Variants in BACH1 observed in about 807,000 individuals in gnomAD.
BACH1 encodes BTB domain and CNC homolog 1.
A neutral mutation model predicts 52.9 loss-of-function variants in BACH1; 35 were observed. That is an observed-to-expected ratio of 0.66 (90% CI 0.51 to 0.88). The LOEUF (loss-of-function observed/expected upper bound fraction) is 0.88, where lower values mean the gene tolerates loss of function less well. Among genes scored for constraint, BACH1 ranks in the 40% least tolerant of loss-of-function variants. BACH1 has a pLI of 0.00. For missense variants in BACH1, 808 were observed against 872.6 expected (o/e 0.93, Z 0.93); for synonymous variants, 321 against 319.6 (o/e 1.00, Z -0.05).
Position 29,309,784 on chromosome 21 carries a change from C to T in BACH1, c.-61+10831C>T, listed in dbSNP as rs1217914763. 2.0e-5 allele frequency among the ~76,000 whole-genome samples: 3 copies of T among 152,328 alleles called. No individual in the cohort carries two copies. The South Asian group carries it at 6.2e-4, about 32-fold the overall frequency. On this transcript the variant is annotated intron_variant, in intron 1 of 4. Transcript: ENST00000286800. ...AGTAGAGCGTTAATCTGATTATCCA[C>T]AGCTGCTGGTAGCCTTAAAATAACC...
At chr21:29,328,868 A>G (rs1282372700) in intron 3 of BACH1, among the ~76,000 whole-genome samples, 1 of 152,256 alleles carries the variant, frequency 6.6e-6, no homozygotes, top group Admixed American at 6.5e-5. Flanking sequence ...TATTGTAGGC[A>G]AATGGCAGGA....
chr21:29,349,018 C>A (rs1014784436), downstream of BACH1, among the ~76,000 whole-genome samples: 4 of 151,548 alleles, frequency 2.6e-5, no homozygotes, highest in Non-Finnish European at 5.9e-5. Context: ...GGCGTGAACC[C>A]AGGAGGCGGA....
chr21:29,335,097 C>T (rs1002330550), intron 4 of BACH1, among the ~76,000 whole-genome samples: 6 of 152,152 alleles, frequency 3.9e-5, no homozygotes, highest in African/African-American at 9.7e-5. Flanking sequence ...ATGTCATGTA[C>T]GTTTTAAATT....
At chr21:29,314,705 A>C (rs1298914610) in intron 1 of BACH1, among the ~76,000 whole-genome samples, 1 of 152,076 alleles carries the variant, frequency 6.6e-6, no homozygotes, top group Non-Finnish European at 1.5e-5. Context: ...TGTTGCTGTA[A>C]GCTCCTCTGC....
At chr21:29,324,846 A>G (rs1018719155) in intron 2 of BACH1, among the ~76,000 whole-genome samples, 5 of 152,196 alleles carry the variant, frequency 3.3e-5, no homozygotes, top group African/African-American at 1.2e-4. Flanking sequence ...GATTTAGTTT[A>G]TCGGCATTCT....
In BACH1 at chr21:29,327,358, A is replaced by G; in HGVS notation, c.1534A>G (p.Ser512Gly). 4.3e-6 allele frequency: 7 copies of G among 1,614,054 alleles called. No individual in the cohort carries two copies. Among genetic ancestry groups the G allele is most frequent in the Non-Finnish European group, 5.9e-6 (7 of 1,179,916 alleles). Reference protein sequence around the residue: ...DDSETDTEGDSESCSAREQEC... With the variant: ...DDSETDTEGDGESCSAREQEC... ...CTCTGAGACGGACACCGAAGGAGAC[A>G]GTGAATCCTGTTCAGCCAGAGAACA... is the stretch of plus-strand genomic sequence containing the variant. Residue 512 changes from serine (S) to glycine (G), a missense_variant, in exon 3 of 5, where the codon AGT becomes GGT. Ser to Gly is a moderately conservative substitution (Grantham distance 56). Coordinates refer to ENST00000286800, the MANE Select transcript of BACH1 (RefSeq NM_001186.4).
chr21:29,347,982 GA>G (rs1373965712), downstream of BACH1, among the ~76,000 whole-genome samples: 2 of 151,842 alleles, frequency 1.3e-5, no homozygotes, highest in Non-Finnish European at 2.9e-5. Context: ...AACTTTTAGA[GA>G]AAAAAATTCA....
intron 4 of BACH1, among the ~76,000 whole-genome samples, chr21:29,334,102 AT>A (rs1195351443): frequency 6.7e-6 from 1 of 149,880 alleles, no homozygotes; most frequent in Non-Finnish European, 1.5e-5. Context: ...TATTTTTTTT[AT>A]TTTTTTTATT....
chr21:29,357,346 C>A (rs1338542266), intron 2 of BACH1, among the ~76,000 whole-genome samples: 1 of 152,192 alleles, frequency 6.6e-6, no homozygotes. Context: ...TCTAAGAGAT[C>A]ATGTCAGGCG....
At chr21:29,308,478 C>A (rs966729150) in intron 1 of BACH1, among the ~76,000 whole-genome samples, 1 of 152,062 alleles carries the variant, frequency 6.6e-6, no homozygotes, top group Non-Finnish European at 1.5e-5. Context: ...TGTTAACATT[C>A]TTTTTTATAC....
intron 1 of BACH1, among the ~76,000 whole-genome samples, chr21:29,311,358 T>C (rs1004456515): frequency 1.2e-4 from 19 of 152,210 alleles, no homozygotes; most frequent in Admixed American, 6.5e-4. Context: ...TTTGCTACTT[T>C]TGTTTACTAT....
At chr21:29,311,431 TG>T (rs1442420495) in intron 1 of BACH1, among the ~76,000 whole-genome samples, 2 of 152,220 alleles carry the variant, frequency 1.3e-5, no homozygotes, top group African/African-American at 4.8e-5. Context: ...TTTGTTTGTT[TG>T]TTTTTTTAAG....
At chr21:29,349,922 C>G (rs922132784), downstream of BACH1, among the ~76,000 whole-genome samples, 15 of 152,142 alleles carry the variant, frequency 9.9e-5, no homozygotes, top group African/African-American at 3.1e-4. Flanking sequence ...AGGAATTGCA[C>G]TATGAGAGGC....
In BACH1 at chr21:29,343,013, A is replaced by C. The variant is rs1023662143; in HGVS notation, c.*180A>C. On this transcript the variant is annotated 3_prime_UTR_variant, in exon 5 of 5. Transcript: ENST00000286800. ...CCTTGATTTCTACAAGAGACAAAGA[A>C]ATGATTTTGCCTCCTGGATATCAGA... The C allele has an allele frequency of 9.4e-5, 56 of 596,070 alleles. 1 individual carries two copies. The highest frequency in any genetic ancestry group is 1.4e-4 in the Non-Finnish European group (52 of 374,570). The allele number at this position is 596,070 out of a possible 1,614,324, so 36.9% of individuals were successfully genotyped here.
rs1253131213 is a variant in BACH1 at position 29,344,857 on chromosome 21, A to G, written c.*2024A>G. ...AACTATTGGTTGTATCAGTTTGTGTATGTGCAAATGTCAAATAATCTTTTG... is the reference window on the plus strand; with the variant it reads ...AACTATTGGTTGTATCAGTTTGTGTGTGTGCAAATGTCAAATAATCTTTTG... On this transcript the variant is annotated 3_prime_UTR_variant, in exon 5 of 5. Transcript: ENST00000286800. 6.6e-6 allele frequency: 1 copy of G among 152,644 alleles called. No individual in the cohort carries two copies. Among genetic ancestry groups the G allele is most frequent in the African/African-American group, 2.4e-5 (1 of 41,442 alleles). 9.5% of individuals were successfully genotyped at this position (152,644 alleles called of 1,614,324 possible). A position where few individuals can be genotyped will look rare whatever the true frequency, so the allele number is the denominator to read the frequency against.
rs1416735628 is a variant in BACH1, at chr21:29,323,049, C to A, written c.234+1535C>A. 2.0e-5 allele frequency among the ~76,000 whole-genome samples: 3 copies of A among 152,010 alleles called. No individual in the cohort carries two copies. The East Asian group carries it at 5.8e-4, about 29-fold the overall frequency. ...TTCTAATGTGTAAATCATAAGTTTTCAAATATTTGAAGTGTTTCATTATAG... is the reference window on the plus strand; with the variant it reads ...TTCTAATGTGTAAATCATAAGTTTTAAAATATTTGAAGTGTTTCATTATAG... On this transcript the variant is annotated intron_variant, in intron 2 of 4. Transcript: ENST00000286800.
At position 29,326,218 on chromosome 21, in the gene BACH1, G is replaced by T; in HGVS notation, c.394G>T (p.Asp132Tyr). ...CFQFLKFKFL[D>Y]STADQQECPR... ...TCAGTTTCTGAAATTTAAGTTTTTG[G>T]ACTCCACTGCAGACCAGCAAGAATG... Residue 132 changes from aspartate to tyrosine, a missense_variant, in exon 3 of 5, where the codon GAC (aspartate) becomes TAC (tyrosine). By Grantham distance (160) the Asp-to-Tyr change is radical. Transcript: ENST00000286800. 3 of 1,614,154 alleles carry T rather than the reference G, an allele frequency of 1.9e-6. No homozygotes were observed. The highest frequency in any genetic ancestry group is 2.5e-6 in the Non-Finnish European group (3 of 1,180,030).
chr21:29,300,462 T>G (rs1358653776), intron 1 of BACH1, among the ~76,000 whole-genome samples: 1 of 152,132 alleles, frequency 6.6e-6, no homozygotes, highest in South Asian at 2.1e-4. Context: ...GTTGTTTTGA[T>G]ACAGGTTATC....
intron 2 of BACH1, among the ~76,000 whole-genome samples, chr21:29,354,706 G>A (rs2089223090): frequency 6.6e-6 from 1 of 152,222 alleles, no homozygotes; most frequent in Non-Finnish European, 1.5e-5. Context: ...GTTAAATTCA[G>A]TGATGAGTGT....
Sources: allele counts gnomAD v4.1 joint callset (sites outside exome capture counted in the v4.1 genomes callset), GRCh38; gene constraint gnomAD v4.1.1; transcripts MANE v1.5; gene names NCBI Gene and HGNC (gene_info 2026-07-23, HGNC 2026-07-21).